Variants in YTHDF1 observed in about 807,000 individuals in gnomAD.
The protein encoded by YTHDF1 is YTH domain-containing family protein 1.
In YTHDF1, 16 loss-of-function variants were observed where a neutral mutation model predicts 49.1. The observed-to-expected ratio is 0.33, with a 90% CI of 0.22 to 0.49. The LOEUF (loss-of-function observed/expected upper bound fraction) is 0.49. YTHDF1 is among the 20% of genes least tolerant of loss of function. The pLI is 0.99. For missense variants in YTHDF1, 621 were observed against 744.3 expected (o/e 0.83, Z 1.93); for synonymous variants, 313 against 290.1 (o/e 1.08, Z -0.80).
At chr20:63,214,017 CAA>C in intron 2 of YTHDF1, 74 bp from the exon 3 acceptor site, 2 of 1,524,870 alleles carry the variant, frequency 1.3e-6, no homozygotes, top group Non-Finnish European at 1.8e-6. Flanking sequence ...GCAAAGTTAG[CAA>C]AGTCTATTTC....
chr20:63,210,504 C>T (rs941892363), intron 3 of YTHDF1, among the ~76,000 whole-genome samples: 13 of 152,132 alleles, frequency 8.5e-5, no homozygotes, highest in South Asian at 8.3e-4. Context: ...AGAGAATCGG[C>T]GGGGCACTGT....
chr20:63,200,972 G>A (rs978813220), intron 4 of YTHDF1, among the ~76,000 whole-genome samples: 4 of 151,958 alleles, frequency 2.6e-5, no homozygotes, highest in African/African-American at 9.7e-5. Flanking sequence ...TCGAACCCAG[G>A]AGGTGGAGGT....
chr20:63,212,848 A>C (rs1357083314), intron 3 of YTHDF1, among the ~76,000 whole-genome samples: 1 of 152,194 alleles, frequency 6.6e-6, no homozygotes, highest in African/African-American at 2.4e-5. Flanking sequence ...GAAGCCAGGG[A>C]GGCTGCTAAA....
Position 63,205,717 on chromosome 20 carries a change from C to T in YTHDF1, c.133-1910G>A, listed in dbSNP as rs1344377537. Among the ~76,000 whole-genome samples the T allele has an allele frequency of 2.0e-5, 3 of 152,282 alleles. No homozygotes were observed. The East Asian group carries it at 5.8e-4, about 29-fold the overall frequency. On this transcript the variant is annotated intron_variant, in intron 3 of 4. Transcript: ENST00000370339. Reference sequence around the variant, plus strand: ...AGAGACAGGATTTCATCATCTTTGCCAGGCTGGTCTCGAACTCCCAACCTC... The same window carrying T: ...AGAGACAGGATTTCATCATCTTTGCTAGGCTGGTCTCGAACTCCCAACCTC...
intron 3 of YTHDF1, among the ~76,000 whole-genome samples, chr20:63,210,092 C>T (rs1390817826): frequency 6.6e-6 from 1 of 152,154 alleles, no homozygotes. Flanking sequence ...ACACCTACTG[C>T]AGCACCACAG....
chr20:63,215,517 C>T, intron 2 of YTHDF1, 60 bp downstream of exon 2: 1 of 1,610,484 alleles, frequency 6.2e-7, no homozygotes, highest in Non-Finnish European at 8.5e-7. Context: ...CTTCCTGGAC[C>T]GTTCCTTCCC....
At position 63,196,740 on chromosome 20, in the gene YTHDF1, A is replaced by G; in HGVS notation, c.1654-6T>C. 1 of 1,613,784 alleles carries G rather than the reference A, an allele frequency of 6.2e-7. No homozygotes were observed. Among genetic ancestry groups the G allele is most frequent in the Non-Finnish European group, 8.5e-7 (1 of 1,179,974 alleles). ...TTGTTTCGACTCTGCCGTTCCTGTA[A>G]AAAGAAAAAACAAAAGTTGAACGCA... On this transcript the variant is annotated splice_polypyrimidine_tract_variant and splice_region_variant and intron_variant, in intron 4 of 4. Coordinates refer to ENST00000370339, the MANE Select transcript of YTHDF1 (RefSeq NM_017798.4).
At chr20:63,204,317 C>T (rs540610103) in intron 3 of YTHDF1, among the ~76,000 whole-genome samples, 1 of 152,320 alleles carries the variant, frequency 6.6e-6, no homozygotes, top group South Asian at 2.1e-4. Context: ...AGGCCCTGGG[C>T]GCCCACCTCT....
chr20:63,215,641 C>T (rs763919122), intron 1 of YTHDF1, 40 bp from the exon 2 acceptor site: 1 of 1,585,824 alleles, frequency 6.3e-7, no homozygotes, highest in African/African-American at 1.4e-5. Flanking sequence ...ACACACAACC[C>T]GGGGGAAGAG....
intron 3 of YTHDF1, among the ~76,000 whole-genome samples, chr20:63,208,142 A>AT (rs968278400): frequency 6.6e-6 from 1 of 152,126 alleles, no homozygotes. Context: ...TCCTATATCC[A>AT]TTTTTCTGAG....
At chr20:63,207,197 G>A (rs1159781233) in intron 3 of YTHDF1, among the ~76,000 whole-genome samples, 1 of 152,240 alleles carries the variant, frequency 6.6e-6, no homozygotes, top group African/African-American at 2.4e-5. Context: ...CCCCGGGCAC[G>A]GTGACTCATG....
Position 63,202,565 on chromosome 20 carries a change from C to T in YTHDF1, c.1375G>A (p.Gly459Ser), listed in dbSNP as rs1348767500. Reference protein sequence around the residue: ...VAEMKSPVDYGTSAGVWSQDK... With the variant: ...VAEMKSPVDYSTSAGVWSQDK... Reference sequence around the variant, plus strand: ...TGAGACCAGACCCCGGCACTGGTGCCGTAGTCCACGGGGGACTTCATCTCG... The same window carrying T: ...TGAGACCAGACCCCGGCACTGGTGCTGTAGTCCACGGGGGACTTCATCTCG... The change falls in exon 4 of 5, where the codon GGC becomes AGC. Residue 459 changes from glycine to serine, a missense_variant. Transcript: ENST00000370339. 25 of 1,614,132 alleles carry T rather than the reference C, an allele frequency of 1.5e-5. No homozygotes were observed. The highest frequency in any genetic ancestry group is 2.2e-5 in the East Asian group (1 of 44,894).
rs2066525170 is a variant in YTHDF1 at position 63,202,964 on chromosome 20, T to C, written c.976A>G (p.Thr326Ala). Residue 326 changes from threonine to alanine, a missense_variant, in exon 4 of 5, where the codon ACC becomes GCC. Thr to Ala is a moderately conservative substitution (Grantham distance 58). Transcript: ENST00000370339. ...CTGTTGCGTGGGGCAACCCAGCGGG[T>C]CTGGGGTGGCTGCTGAGGGCTCTGA... ...QYQSPQQPPQ[T>A]RWVAPRNRNA... 8 of 1,613,750 alleles carry C rather than the reference T, an allele frequency of 5.0e-6. No individual in the cohort carries two copies. The East Asian group carries it at 1.3e-4, about 27-fold the overall frequency.
chr20:63,201,007 T>C (rs933808469), intron 4 of YTHDF1, among the ~76,000 whole-genome samples: 6 of 150,652 alleles, frequency 4.0e-5, no homozygotes, highest in African/African-American at 1.5e-4. Context: ...ATTGCGCCAC[T>C]GCACTCCAGC....
chr20:63,208,903 G>C (rs913963087), intron 3 of YTHDF1, among the ~76,000 whole-genome samples: 2 of 152,174 alleles, frequency 1.3e-5, no homozygotes, highest in African/African-American at 4.8e-5. Flanking sequence ...AACCTGATGA[G>C]CAATTTCGTC....
In YTHDF1 at chr20:63,212,501, G is replaced by A. The variant is rs147636516; in HGVS notation, c.132+1363C>T. Among the ~76,000 whole-genome samples the A allele has an allele frequency of 1.3e-3, 192 of 152,226 alleles. 1 individual carries two copies. The highest frequency in any genetic ancestry group is 5.8e-4 in the African/African-American group (24 of 41,462). On this transcript the variant is annotated intron_variant, in intron 3 of 4. Transcript: ENST00000370339. Reference sequence around the variant, plus strand: ...GGAAGGAATGTGAATCACAGCACACGAAATGGAGCACTCAGAGCATCTGCT... The same window carrying A: ...GGAAGGAATGTGAATCACAGCACACAAAATGGAGCACTCAGAGCATCTGCT...
intron 3 of YTHDF1, 33 bp downstream of exon 3, chr20:63,213,831 A>T: frequency 6.3e-7 from 1 of 1,580,064 alleles, no homozygotes; most frequent in Non-Finnish European, 8.6e-7. Context: ...AAACCAACTT[A>T]AAAACAAATA....
At chr20:63,196,771 A>G (rs1291067529) in intron 4 of YTHDF1, 37 bp from the exon 5 acceptor site, 1 of 1,612,820 alleles carries the variant, frequency 6.2e-7, no homozygotes, top group East Asian at 2.2e-5. Context: ...ACGCAGAGTA[A>G]CCACACCAAT....
In YTHDF1 at chr20:63,203,314, C is replaced by T; in HGVS notation, c.626G>A (p.Ser209Asn). ...AGAAAGGACACCAGTCAGTGCCACGCTGCTGACGACAGAGCCCACCGTCTT... is the reference window on the plus strand; with the variant it reads ...AGAAAGGACACCAGTCAGTGCCACGTTGCTGACGACAGAGCCCACCGTCTT... ...AVKTVGSVVS[S>N]VALTGVLSGN... The change falls in exon 4 of 5, where the codon AGC becomes AAC. Residue 209 changes from serine (S) to asparagine (N), a missense_variant. By Grantham distance (46) the Ser-to-Asn change is conservative (BLOSUM62 1). Around this residue, in one of 2 missense-constraint regions of YTHDF1, gnomAD observed 470 missense variants for 495.8 expected, o/e 0.95. Transcript: ENST00000370339. The surrounding 1 kb of genome is among the most constrained non-coding windows in gnomAD (Gnocchi z 4.4). 1 of 1,613,638 alleles carries T rather than the reference C, an allele frequency of 6.2e-7. No homozygotes were observed. Among genetic ancestry groups the T allele is most frequent in the African/African-American group, 1.3e-5 (1 of 75,058 alleles).
Sources: allele counts gnomAD v4.1 joint callset (sites outside exome capture counted in the v4.1 genomes callset), GRCh38; gene constraint gnomAD v4.1.1; regional missense constraint gnomAD v4.1.1; non-coding constraint Gnocchi (gnomAD v3.1); transcripts MANE v1.5; gene names NCBI Gene and HGNC (gene_info 2026-07-23, HGNC 2026-07-21).